Variants in HLTF observed in about 807,000 individuals in gnomAD.
HLTF encodes helicase like transcription factor.
A neutral mutation model predicts 129.4 loss-of-function variants in HLTF; 127 were observed. The ratio of observed to expected loss-of-function variants is 0.98; its 90% CI spans 0.85 to 1.14. HLTF has a LOEUF of 1.14. HLTF is among the 50% of genes most tolerant of loss of function. The probability of loss-of-function intolerance (pLI) is 0.00; values close to 1 mark genes in which losing one functional copy is unlikely to be tolerated. For missense variants in HLTF, 1,139 were observed against 1,187.1 expected, an observed-to-expected ratio of 0.96 and a Z score of 0.60; for synonymous variants, 332 against 388.8, an observed-to-expected ratio of 0.85 and a Z score of 1.72.
chr3:149,073,994 T>A (rs959752363), intron 4 of HLTF, among the ~76,000 whole-genome samples: 1 of 152,172 alleles, frequency 6.6e-6, no homozygotes, highest in Non-Finnish European at 1.5e-5. Flanking sequence ...TTAATTTTTT[T>A]AATATCCCCT....
At chr3:149,062,859 A>T (rs984172874) in intron 10 of HLTF, among the ~76,000 whole-genome samples, 1 of 152,238 alleles carries the variant, frequency 6.6e-6, no homozygotes, top group Admixed American at 6.5e-5. Flanking sequence ...TTGACAAAAT[A>T]GAAAAAAAGT....
rs143316474 is a variant in HLTF, at chr3:149,047,598, C to T, written c.1892+430G>A. 7.0e-3 allele frequency among the ~76,000 whole-genome samples: 1,060 copies of T among 152,168 alleles called. 15 individuals carry two copies. Among genetic ancestry groups the T allele is most frequent in the African/African-American group, 0.025 (1,025 of 41,524 alleles). ...CGGAGGTTGCAGTGAGCCAAGATCG[C>T]GCCACTGCCCTCCAGCATGGACGAC... On this transcript the variant is annotated intron_variant, in intron 17 of 24. Coordinates refer to ENST00000310053, the MANE Select transcript of HLTF (RefSeq NM_003071.4).
rs1359432256 is a variant in HLTF, at chr3:149,032,265, C to A, written c.2985G>T (p.Met995Ile). The change falls in exon 25 of 25, where the codon ATG becomes ATT. Residue 995 changes from methionine to isoleucine, a missense_variant. Physicochemically the swap from Met to Ile is conservative, Grantham distance 10. Transcript: ENST00000310053. Reference sequence around the variant, plus strand: ...TGATTTCATTAATTTTGGCTTGTTTCATTTCGTCAGCATTTGGTTTTTTAG... The same window carrying A: ...TGATTTCATTAATTTTGGCTTGTTTAATTTCGTCAGCATTTGGTTTTTTAG... ...FGTKKPNADE[M>I]KQAKINEIRT... 5.6e-6 allele frequency: 9 copies of A among 1,598,732 alleles called. No homozygotes were observed. The Admixed American group carries it at 1.6e-4, about 28-fold the overall frequency.
At chr3:149,077,939 T>C (rs989620971) in intron 2 of HLTF, among the ~76,000 whole-genome samples, 10 of 152,010 alleles carry the variant, frequency 6.6e-5, no homozygotes, top group South Asian at 2.1e-4. Context: ...CGATAAAGGA[T>C]AGACATCACA....
intron 23 of HLTF, among the ~76,000 whole-genome samples, chr3:149,038,476 G>C (rs1715833533): frequency 6.6e-6 from 1 of 152,094 alleles, no homozygotes; most frequent in African/African-American, 2.4e-5. Flanking sequence ...TGCTTCAGTT[G>C]CCTCTTCAGT....
chr3:149,070,348 G>C (rs1414598433), intron 7 of HLTF, among the ~76,000 whole-genome samples: 2 of 152,160 alleles, frequency 1.3e-5, no homozygotes, highest in Non-Finnish European at 2.9e-5. Context: ...CATCTATTCG[G>C]CCAAACACAG....
At chr3:149,067,485 A>G (rs1219664819) in intron 8 of HLTF, among the ~76,000 whole-genome samples, 1 of 152,104 alleles carries the variant, frequency 6.6e-6, no homozygotes, top group Non-Finnish European at 1.5e-5. Context: ...AAGATGTTTC[A>G]AATTGTCCAC....
intron 2 of HLTF, among the ~76,000 whole-genome samples, chr3:149,081,361 A>G (rs1187168128): frequency 1.3e-5 from 2 of 152,050 alleles, no homozygotes; most frequent in South Asian, 2.1e-4. Context: ...CGTGGTGGCT[A>G]AAGGCAACGC....
At chr3:149,057,613 T>A (rs1717588332) in intron 13 of HLTF, among the ~76,000 whole-genome samples, 1 of 152,190 alleles carries the variant, frequency 6.6e-6, no homozygotes, top group Non-Finnish European at 1.5e-5. Context: ...ATGACTGTAC[T>A]GTAATAAAAC....
intron 23 of HLTF, among the ~76,000 whole-genome samples, chr3:149,038,400 T>C (rs772962922): frequency 6.6e-6 from 1 of 152,248 alleles, no homozygotes; most frequent in Non-Finnish European, 1.5e-5. Flanking sequence ...AATATTTACA[T>C]GGACTATGAT....
chr3:149,086,343 G>C lies in HLTF; in HGVS notation c.-7C>G. 1.3e-6 allele frequency: 2 copies of C among 1,593,064 alleles called. No individual in the cohort carries two copies. The highest frequency in any genetic ancestry group is 1.7e-6 in the Non-Finnish European group (2 of 1,169,344). On this transcript the variant is annotated 5_prime_UTR_variant, in exon 1 of 25. Transcript: ENST00000310053. ...TCTTGAACATCCAGGACATGGCGCT[G>C]AGTGGGATGACAAGAGGAGCGCCTC...
intron 14 of HLTF, among the ~76,000 whole-genome samples, chr3:149,053,013 C>A (rs1252440511): frequency 6.6e-6 from 1 of 152,106 alleles, no homozygotes; most frequent in African/African-American, 2.4e-5. Context: ...GTCTAAATAT[C>A]CAGAACAAAT....
chr3:149,083,197 G>A (rs1038462835), intron 2 of HLTF, among the ~76,000 whole-genome samples: 14 of 151,904 alleles, frequency 9.2e-5, no homozygotes, highest in African/African-American at 3.4e-4. Context: ...GTTGCAGTGA[G>A]CCAAGATTGC....
At chr3:149,030,072 A>C (rs1714872894), downstream of HLTF, 1 of 152,240 alleles carries the variant, frequency 6.6e-6, no homozygotes, top group African/African-American at 2.4e-5. Context: ...GTCACAATTA[A>C]TGAAGGATTT....
intron 2 of HLTF, among the ~76,000 whole-genome samples, chr3:149,078,985 G>T (rs78246157): frequency 0.05 from 7,539 of 152,174 alleles, 537 homozygotes; most frequent in African/African-American, 0.15. Context: ...TACAATAACT[G>T]AAGAAAAAAT....
rs1461720709 is a variant in HLTF, at chr3:149,046,265, C to T, written c.1893-6G>A. The T allele has an allele frequency of 5.1e-6, 7 of 1,371,852 alleles. No homozygotes were observed. Among genetic ancestry groups the T allele is most frequent in the Non-Finnish European group, 7.0e-6 (7 of 994,618 alleles). The allele number at this position is 1,371,852 out of a possible 1,614,324, so 85.0% of individuals were successfully genotyped here. ...TAATTAGGGACTGTAAACGCCTAAT[C>T]AGAATAAAACAAATAATTATGTAAC... On this transcript the variant is annotated splice_region_variant and splice_polypyrimidine_tract_variant and intron_variant, in intron 17 of 24. Transcript: ENST00000310053.
chr3:149,040,085 T>C lies in HLTF; in HGVS notation c.2448A>G (p.Glu816=). 6.2e-7 allele frequency: 1 copy of C among 1,611,498 alleles called. No individual in the cohort carries two copies. The stretch of plus-strand genomic sequence containing the variant: ...ACTTTTTCTCACTGTCACGTGCTAA[T>C]TCTTCTGGAGGACATTCTAATAAAT... ...EDNLLECPPE[E]LARDSEKKSD... The change falls in exon 21 of 25, where the codon GAA becomes GAG. Residue 816 remains glutamate (E), a synonymous_variant. Coordinates refer to ENST00000310053, the MANE Select transcript of HLTF (RefSeq NM_003071.4).
At chr3:149,082,770 A>G (rs1383404451) in intron 2 of HLTF, among the ~76,000 whole-genome samples, 1 of 152,236 alleles carries the variant, frequency 6.6e-6, no homozygotes, top group East Asian at 1.9e-4. Context: ...ATGTCCATCA[A>G]CAAGGAAATT....
Position 149,060,779 on chromosome 3 carries a change from C to T in HLTF, c.1240G>A (p.Gly414Ser), listed in dbSNP as rs1316004681. Residue 414 changes from glycine (G) to serine (S), a missense_variant and splice_region_variant, in exon 11 of 25, where the codon GGC (glycine) becomes AGC (serine). Gly to Ser is a moderately conservative substitution (Grantham distance 56). Coordinates refer to ENST00000310053, the MANE Select transcript of HLTF (RefSeq NM_003071.4). ...TCAAATCAAATCTATTACATGTTAC[C>T]TTTCATTTTCTGCGGCAATTCACTT... ...ETSELPQKMKGKLKNVQSETK... is the reference protein window; with the variant it reads ...ETSELPQKMKSKLKNVQSETK... The T allele has an allele frequency of 1.2e-6, 2 of 1,611,698 alleles. No individual in the cohort carries two copies. The highest frequency in any genetic ancestry group is 1.7e-5 in the Admixed American group (1 of 60,010).
Sources: allele counts gnomAD v4.1 joint callset (sites outside exome capture counted in the v4.1 genomes callset), GRCh38; gene constraint gnomAD v4.1.1; transcripts MANE v1.5; gene names NCBI Gene and HGNC (gene_info 2026-07-23, HGNC 2026-07-21).